The following DIS3L2 variants were observed in gnomAD, a reference collection of about 807,000 sequenced individuals.
The protein encoded by DIS3L2 is DIS3 like 3'-5' exoribonuclease 2.
Under a neutral mutation model 97.5 loss-of-function variants are expected in DIS3L2, and 34 were observed. The observed-to-expected ratio is 0.35, with a 90% CI of 0.27 to 0.46. The LOEUF is 0.46. Among genes scored for constraint, DIS3L2 ranks in the 20% least tolerant of loss-of-function variants. The probability of loss-of-function intolerance (pLI) is 1.00; values close to 1 mark genes in which losing one functional copy is unlikely to be tolerated. For synonymous variants in DIS3L2, 435 were observed against 445.2 expected (o/e 0.98, Z 0.29); for missense variants, 1,038 against 1,146.0 (o/e 0.91, Z 1.36).
intron 19 of DIS3L2, chr2:232,335,243 G>T (rs563245316): frequency 3.3e-4 from 58 of 177,238 alleles, no homozygotes; most frequent in Non-Finnish European, 4.0e-4. Context: ...CTGCCTCTGT[G>T]CCTGGCTTTG....
At chr2:232,113,377 A>T (rs977808035) in intron 6 of DIS3L2, among the ~76,000 whole-genome samples, 1 of 152,194 alleles carries the variant, frequency 6.6e-6, no homozygotes, top group Non-Finnish European at 1.5e-5. Context: ...CTGTTCCCTT[A>T]TGCGGTACTA....
intron 1 of DIS3L2, among the ~76,000 whole-genome samples, chr2:231,992,631 C>T (rs1301928313): frequency 6.6e-6 from 1 of 152,076 alleles, no homozygotes; most frequent in East Asian, 1.9e-4. Flanking sequence ...CATTGCTTCC[C>T]CCTTGCACCT....
intron 5 of DIS3L2, among the ~76,000 whole-genome samples, chr2:232,086,186 C>T (rs1443783245): frequency 1.4e-5 from 2 of 146,854 alleles, no homozygotes; most frequent in African/African-American, 5.3e-5. Flanking sequence ...CGTATATATA[C>T]ACACGTATAG....
chr2:232,219,674 C>T (rs905289380), intron 10 of DIS3L2, among the ~76,000 whole-genome samples: 11 of 152,098 alleles, frequency 7.2e-5, no homozygotes, highest in African/African-American at 2.2e-4. Flanking sequence ...CCACGTGAGG[C>T]TCACTTCCTT....
Position 232,269,956 on chromosome 2 carries a change from C to T in DIS3L2, c.1659+6516C>T, listed in dbSNP as rs1482306145. On this transcript the variant is annotated intron_variant, in intron 13 of 20. Transcript: ENST00000325385. This position sits in a 1 kb window ranked among gnomAD's most constrained non-coding sequence, Gnocchi z 4.5. ...TGAGGGCCTAACCTGAGGTAGGGAC[C>T]GTGGGGTGAGAGAAGATGATGGACC... Among the ~76,000 whole-genome samples the T allele has an allele frequency of 1.3e-5, 2 of 151,890 alleles. No individual in the cohort carries two copies. The highest frequency in any genetic ancestry group is 2.4e-5 in the African/African-American group (1 of 41,336).
At position 231,964,436 on chromosome 2, in the gene DIS3L2, T is replaced by C. The variant is rs556692661; in HGVS notation, c.-94+2671T>C. Among the ~76,000 whole-genome samples the C allele has an allele frequency of 2.0e-5, 3 of 152,112 alleles. No homozygotes were observed. In the East Asian group the frequency reaches 5.8e-4, roughly 29 times the overall value. On this transcript the variant is annotated intron_variant, in intron 1 of 20. Coordinates refer to ENST00000325385, the MANE Select transcript of DIS3L2 (RefSeq NM_152383.5). ...GTGAAATTTGCTACATTGAAGAAAG[T>C]AGGAGCAGGTGTTGTTAATAGCATG...
At chr2:232,233,657 G>A (rs1047557702) in intron 10 of DIS3L2, among the ~76,000 whole-genome samples, 3 of 152,224 alleles carry the variant, frequency 2.0e-5, no homozygotes, top group African/African-American at 7.2e-5. Flanking sequence ...AGTGACCCAA[G>A]TCTGGAAGGC....
chr2:232,130,895 C>T (rs1335609247), intron 7 of DIS3L2, 176 bp downstream of exon 7: 1 of 929,874 alleles, frequency 1.1e-6, no homozygotes, highest in Non-Finnish European at 1.5e-6. Flanking sequence ...AATACGAATC[C>T]ATCTTCCTGC....
chr2:232,247,711 G>C (rs915714612), intron 11 of DIS3L2, among the ~76,000 whole-genome samples: 1 of 143,396 alleles, frequency 7.0e-6, no homozygotes, highest in African/African-American at 2.6e-5. Context: ...ATTCAACCAC[G>C]AGATGGTATC....
intron 1 of DIS3L2, among the ~76,000 whole-genome samples, chr2:231,990,512 G>T (rs906801670): frequency 2.6e-5 from 4 of 152,084 alleles, no homozygotes; most frequent in African/African-American, 7.2e-5. Context: ...AATAAAATGC[G>T]GGAAAGAAAC....
chr2:232,062,094 G>A (rs1405075193), intron 5 of DIS3L2, among the ~76,000 whole-genome samples: 1 of 152,078 alleles, frequency 6.6e-6, no homozygotes, highest in Non-Finnish European at 1.5e-5. Context: ...GCTACGGGGC[G>A]GGCTGGGTTG....
rs903701772 is a variant in DIS3L2 at position 232,343,251 on chromosome 2, G to A, written c.1582-94G>A. On this transcript the variant is annotated intron_variant, in intron 13 of 13. Coordinates refer to the DIS3L2 transcript ENST00000273009. ...ATCTTTCTGAAGCTATGGAGCTGAC[G>A]CAGGCTGAGTAGGCTCACCTTTCAC... 52 of 1,049,876 alleles carry A rather than the reference G, an allele frequency of 5.0e-5. No individual in the cohort carries two copies. In the African/African-American group the frequency reaches 5.3e-4, roughly 11 times the overall value. 65.0% of individuals were successfully genotyped at this position (1,049,876 alleles called of 1,614,324 possible).
At chr2:232,194,132 A>G (rs1051650349) in intron 9 of DIS3L2, among the ~76,000 whole-genome samples, 1 of 152,060 alleles carries the variant, frequency 6.6e-6, no homozygotes, top group African/African-American at 2.4e-5. Context: ...AAAAGAAAAA[A>G]GATTCAATTT....
chr2:232,200,337 G>T (rs965561383), intron 9 of DIS3L2, among the ~76,000 whole-genome samples: 2 of 152,146 alleles, frequency 1.3e-5, no homozygotes, highest in African/African-American at 4.8e-5. Flanking sequence ...AGCTGAAAGG[G>T]CCTGGAGGCA....
intron 1 of DIS3L2, among the ~76,000 whole-genome samples, chr2:231,963,662 C>T (rs1449044795): frequency 6.6e-6 from 1 of 152,032 alleles, no homozygotes; most frequent in Non-Finnish European, 1.5e-5. Context: ...AAAAATTTGC[C>T]AAGGTCAGTG....
chr2:232,114,148 T>C (rs1697627370), intron 6 of DIS3L2, among the ~76,000 whole-genome samples: 1 of 152,092 alleles, frequency 6.6e-6, no homozygotes, highest in Non-Finnish European at 1.5e-5. Context: ...ATCCTTAAAA[T>C]CTCTGATCCC....
chr2:232,117,240 G>A (rs1321546588), intron 6 of DIS3L2, among the ~76,000 whole-genome samples: 1 of 152,130 alleles, frequency 6.6e-6, no homozygotes, highest in Non-Finnish European at 1.5e-5. Context: ...TCTCCATCAG[G>A]GAAGGGGGAT....
intron 10 of DIS3L2, among the ~76,000 whole-genome samples, chr2:232,233,991 A>G (rs1175488431): frequency 6.6e-6 from 1 of 152,220 alleles, no homozygotes; most frequent in Non-Finnish European, 1.5e-5. Flanking sequence ...GGACTTCTGA[A>G]TCCAGAGCTG....
intron 1 of DIS3L2, among the ~76,000 whole-genome samples, chr2:231,990,542 G>A (rs531173513): frequency 6.6e-6 from 1 of 152,274 alleles, no homozygotes; most frequent in African/African-American, 2.4e-5. Context: ...AATTTATAAT[G>A]TTATACTGTA....
Sources: gnomAD v4.1 joint callset for allele counts (sites outside exome capture counted in the v4.1 genomes callset) on GRCh38, gnomAD v4.1.1 for gene constraint, Gnocchi (gnomAD v3.1) non-coding constraint, MANE v1.5 for transcripts, NCBI Gene and HGNC (gene_info 2026-07-23, HGNC 2026-07-21) for gene names.